Variants in ROBO2 observed in about 807,000 individuals in gnomAD.
ROBO2 encodes roundabout homolog 2.
ROBO2 carries 53 observed loss-of-function variants against 160.8 expected under a neutral mutation model. The observed-to-expected ratio is 0.33, with a 90% confidence interval of 0.26 to 0.41. The LOEUF (loss-of-function observed/expected upper bound fraction) is 0.41, where lower values mean the gene tolerates loss of function less well. ROBO2 is among the 10% of genes least tolerant of loss of function. The pLI is 1.00. For synonymous variants in ROBO2, 664 were observed against 611.7 expected (o/e 1.09, Z -1.26); for missense variants, 1,577 against 1,722.4 (o/e 0.92, Z 1.49).
In ROBO2 at chr3:76,108,536, T is replaced by C. The variant is rs191862758; in HGVS notation, c.109+170934T>C. 1.3e-3 allele frequency among the ~76,000 whole-genome samples: 191 copies of C among 152,054 alleles called. 2 individuals carry two copies. The highest frequency in any genetic ancestry group is 2.9e-4 in the Non-Finnish European group (20 of 67,894). On this transcript the variant is annotated intron_variant, in intron 2 of 26. Coordinates refer to the ROBO2 transcript ENST00000487694. ...AGATTTTGTCCAAATTTTTTATCCA[T>C]CTTTGTTTTGAATTATATCTATACT...
intron 2 of ROBO2, among the ~76,000 whole-genome samples, chr3:76,707,840 T>C (rs576260660): frequency 6.6e-6 from 1 of 151,624 alleles, no homozygotes; most frequent in South Asian, 2.1e-4. Flanking sequence ...GTCAGAGTGA[T>C]GACAGCCAAC....
chr3:76,467,576 C>T (rs2078428833), intron 2 of ROBO2, among the ~76,000 whole-genome samples: 1 of 152,042 alleles, frequency 6.6e-6, no homozygotes, highest in South Asian at 2.1e-4. Context: ...CTGAGCCAGA[C>T]AATTTAACAG....
At chr3:77,140,212 C>T (rs758535189) in intron 2 of ROBO2, among the ~76,000 whole-genome samples, 5 of 152,010 alleles carry the variant, frequency 3.3e-5, no homozygotes, top group Non-Finnish European at 5.9e-5. Flanking sequence ...TTTATTGTGG[C>T]GATTGTTCTT....
At chr3:76,437,355 G>GA (rs1474016370) in intron 2 of ROBO2, among the ~76,000 whole-genome samples, 1 of 152,070 alleles carries the variant, frequency 6.6e-6, no homozygotes, top group Non-Finnish European at 1.5e-5. Context: ...TCCTATACTT[G>GA]AAAAAACCAA....
chr3:77,242,953 A>G (rs1317827635), intron 2 of ROBO2, among the ~76,000 whole-genome samples: 2 of 151,108 alleles, frequency 1.3e-5, no homozygotes, highest in East Asian at 1.9e-4. Flanking sequence ...GAGAGTGAAT[A>G]TGTGTGTGTG....
chr3:76,939,495 A>C (rs2078007813), intron 2 of ROBO2, among the ~76,000 whole-genome samples: 1 of 152,196 alleles, frequency 6.6e-6, no homozygotes, highest in African/African-American at 2.4e-5. Context: ...CAGAGGTTTA[A>C]ATCCCCTCTT....
chr3:76,285,107 G>T (rs182764247), intron 2 of ROBO2, among the ~76,000 whole-genome samples: 1 of 152,182 alleles, frequency 6.6e-6, no homozygotes, highest in African/African-American at 2.4e-5. Flanking sequence ...GCTGTGGGAC[G>T]AGAAGAACTT....
intron 5 of ROBO2, among the ~76,000 whole-genome samples, chr3:77,521,116 T>C (rs2090547556): frequency 6.6e-6 from 1 of 151,232 alleles, no homozygotes; most frequent in African/African-American, 2.4e-5. Flanking sequence ...TTAAGTACTT[T>C]ATATGTCATT....
At chr3:77,352,617 T>C (rs976239903) in intron 2 of ROBO2, among the ~76,000 whole-genome samples, 1 of 152,118 alleles carries the variant, frequency 6.6e-6, no homozygotes, top group African/African-American at 2.4e-5. Flanking sequence ...ACAGAATGAA[T>C]AGTCTCAAAA....
intron 2 of ROBO2, among the ~76,000 whole-genome samples, chr3:76,622,191 AAAGG>A (rs1163132103): frequency 0.053 from 3,450 of 65,290 alleles, 188 homozygotes; most frequent in East Asian, 0.11. Flanking sequence ...TAAAAAAAAG[AAAGG>A]AAGGAAGGAA....
intron 2 of ROBO2, among the ~76,000 whole-genome samples, chr3:77,208,648 CAT>C (rs1314258727): frequency 2.0e-5 from 3 of 152,272 alleles, no homozygotes; most frequent in Non-Finnish European, 4.4e-5. Context: ...CAATCAGTCT[CAT>C]ATGTGTTTGA....
At chr3:76,222,622 G>A (rs573087676) in intron 2 of ROBO2, among the ~76,000 whole-genome samples, 9 of 152,234 alleles carry the variant, frequency 5.9e-5, no homozygotes, top group African/African-American at 2.2e-4. Context: ...ACCATCACCT[G>A]ATGGTGCCTG....
rs142543511 is a variant in ROBO2, at chr3:76,419,353, C to T, written c.109+481751C>T. 4.6e-5 allele frequency among the ~76,000 whole-genome samples: 7 copies of T among 152,080 alleles called. No homozygotes were observed. In the East Asian group the frequency reaches 5.8e-4, roughly 13 times the overall value. On this transcript the variant is annotated intron_variant, in intron 2 of 26. Transcript: ENST00000487694. ...GTCTGGACTCACTTTTCAGCATAGG[C>T]GTAAGCTGTGTAATTGTACACATGT... is the stretch of plus-strand genomic sequence containing the variant.
At chr3:77,633,928 A>G (rs1169707314) in intron 23 of ROBO2, 1 of 152,210 alleles carries the variant, frequency 6.6e-6, no homozygotes, top group East Asian at 1.9e-4. Context: ...ATGTATGCTA[A>G]TAGCTAACAC....
chr3:76,023,951 A>G lies in ROBO2; in HGVS notation c.109+86349A>G, dbSNP rs17013673. Among the ~76,000 whole-genome samples the G allele has an allele frequency of 7.2e-3, 1,089 of 151,706 alleles. 72 individuals are homozygous for G. The East Asian group carries it at 0.17, about 24-fold the overall frequency. On this transcript the variant is annotated intron_variant, in intron 2 of 26. Transcript: ENST00000487694. ...ATCCAAATCAAATCTCTCTGATGCC[A>G]TAACCCACGATCTTAATCATTAAAT...
At chr3:76,863,519 C>T (rs1328004538) in intron 2 of ROBO2, among the ~76,000 whole-genome samples, 3 of 151,832 alleles carry the variant, frequency 2.0e-5, no homozygotes, top group Non-Finnish European at 2.9e-5. Context: ...TTACGCCTTC[C>T]TATTCTCATA....
intron 2 of ROBO2, among the ~76,000 whole-genome samples, chr3:77,180,406 CTCTCTCTCTCTATA>C (rs2080614371): frequency 9.6e-6 from 1 of 104,040 alleles, no homozygotes; most frequent in Non-Finnish European, 2.2e-5. Context: ...CTCTCTCTCT[CTCTCTCTCTCTATA>C]TATATATATA....
chr3:77,522,436 A>G lies in ROBO2; in HGVS notation c.807-339A>G, dbSNP rs147890965. On this transcript the variant is annotated intron_variant, in intron 5 of 25. Coordinates refer to ENST00000461745, the Ensembl canonical transcript of ROBO2. ...GTGACTAACAAACTAATGAAATATAACTCACCAAGAAACTGAGATGTATAC... is the reference window on the plus strand; with the variant it reads ...GTGACTAACAAACTAATGAAATATAGCTCACCAAGAAACTGAGATGTATAC... Among the ~76,000 whole-genome samples the G allele has an allele frequency of 2.0e-5, 3 of 151,324 alleles. No homozygotes were observed. The East Asian group carries it at 5.9e-4, about 30-fold the overall frequency.
intron 4 of ROBO2, among the ~76,000 whole-genome samples, chr3:77,489,676 G>T (rs2085823242): frequency 6.6e-6 from 1 of 152,170 alleles, no homozygotes; most frequent in Non-Finnish European, 1.5e-5. Flanking sequence ...GTTAAGGAAA[G>T]CATACACAAA....
Sources: allele counts gnomAD v4.1 joint callset (sites outside exome capture counted in the v4.1 genomes callset), GRCh38; gene constraint gnomAD v4.1.1; transcripts MANE v1.5; gene names NCBI Gene and HGNC (gene_info 2026-07-23, HGNC 2026-07-21).